CPM: variants seen among roughly 807,000 people sequenced by gnomAD.
CPM encodes the protein renal carboxypeptidase.
Under a neutral mutation model 46.4 loss-of-function variants are expected in CPM, and 35 were observed. That is an observed-to-expected ratio of 0.75 (90% CI 0.58 to 1.00). CPM has a LOEUF of 1.00. Among genes scored for constraint, CPM ranks in the 50% least tolerant of loss-of-function variants. The pLI is 0.00. For missense variants in CPM, 422 were observed against 530.4 expected (o/e 0.80, Z 2.01); for synonymous variants, 195 against 195.3 (o/e 1.00, Z 0.01).
intron 3 of CPM, among the ~76,000 whole-genome samples, chr12:68,877,666 C>G (rs2136240631): frequency 6.6e-6 from 1 of 152,152 alleles, no homozygotes; most frequent in African/African-American, 2.4e-5. Context: ...TTTAATTATT[C>G]AAACCACAGA....
At chr12:68,932,925 T>C (rs770735455) in intron 1 of CPM, 85 bp from the exon 2 acceptor site, 1 of 1,299,884 alleles carries the variant, frequency 7.7e-7, no homozygotes, top group Non-Finnish European at 1.1e-6. Context: ...TACTCCGGTC[T>C]CAGGGTCTCC....
intron 2 of CPM, among the ~76,000 whole-genome samples, chr12:68,892,754 G>A (rs1309095215): frequency 1.3e-5 from 2 of 152,132 alleles, no homozygotes; most frequent in African/African-American, 2.4e-5. Flanking sequence ...AGCTATTCGG[G>A]AGGCTGAGGC....
At chr12:68,858,561 C>T (rs943141957) in intron 8 of CPM, among the ~76,000 whole-genome samples, 5 of 151,974 alleles carry the variant, frequency 3.3e-5, no homozygotes, top group Non-Finnish European at 5.9e-5. Flanking sequence ...AAGTGTATGC[C>T]GTGGAATGGG....
intron 1 of CPM, among the ~76,000 whole-genome samples, chr12:68,960,755 T>C (rs1889097490): frequency 6.6e-6 from 1 of 152,184 alleles, no homozygotes; most frequent in African/African-American, 2.4e-5. Flanking sequence ...TGTGGCAACC[T>C]ATGTGACTGT....
chr12:68,850,829 T>C (rs1027406533), downstream of CPM: 1 of 152,160 alleles, frequency 6.6e-6, no homozygotes, highest in South Asian at 2.1e-4. Context: ...TTTCTGCATT[T>C]CTCAGATTCT....
At chr12:68,881,505 A>G (rs1886188050) in intron 3 of CPM, among the ~76,000 whole-genome samples, 1 of 152,224 alleles carries the variant, frequency 6.6e-6, no homozygotes, top group African/African-American at 2.4e-5. Context: ...GGGGGATAAG[A>G]TAAAGATAGG....
intron 2 of CPM, among the ~76,000 whole-genome samples, chr12:68,921,058 T>C (rs1045136511): frequency 4.6e-5 from 7 of 152,042 alleles, no homozygotes; most frequent in African/African-American, 1.7e-4. Context: ...CCCACCTTTT[T>C]TCTTTGTCAA....
chr12:68,843,237 C>G (rs1324572402), intron 5 of CPM: 1 of 224,928 alleles, frequency 4.4e-6, no homozygotes, highest in African/African-American at 2.2e-5. Context: ...ATTATGAACT[C>G]CAAATAATGC....
chr12:68,903,829 C>T (rs1457138801), intron 2 of CPM, among the ~76,000 whole-genome samples: 6 of 151,958 alleles, frequency 3.9e-5, no homozygotes, highest in East Asian at 3.9e-4. Context: ...TCCGTCCCGC[C>T]GTCCGTCCCT....
chr12:68,928,585 T>G (rs554219354), intron 2 of CPM, among the ~76,000 whole-genome samples: 53 of 152,354 alleles, frequency 3.5e-4, no homozygotes, highest in Non-Finnish European at 6.5e-4. Flanking sequence ...CTTAAACTAT[T>G]TACTACATGG....
chr12:68,872,451 C>G (rs995597517), intron 3 of CPM, among the ~76,000 whole-genome samples: 9 of 152,080 alleles, frequency 5.9e-5, no homozygotes, highest in African/African-American at 1.9e-4. Context: ...TGGGGTTTCA[C>G]TATGTTGGCC....
chr12:68,951,195 T>C (rs1402797026), intron 1 of CPM, among the ~76,000 whole-genome samples: 2 of 152,360 alleles, frequency 1.3e-5, no homozygotes, highest in African/African-American at 2.4e-5. Flanking sequence ...ATGAGAACAC[T>C]AATCCTTTCC....
intron 2 of CPM, among the ~76,000 whole-genome samples, chr12:68,899,844 G>C: frequency 6.6e-6 from 1 of 152,198 alleles, no homozygotes; most frequent in Middle Eastern, 3.2e-3. Context: ...AAGAAGTCAT[G>C]CTTAGGAGAT....
At chr12:68,914,720 C>A (rs537551306) in intron 2 of CPM, among the ~76,000 whole-genome samples, 3 of 152,286 alleles carry the variant, frequency 2.0e-5, no homozygotes, top group African/African-American at 7.2e-5. Context: ...CCAAGCGGTC[C>A]TCTGTCTCCT....
intron 2 of CPM, among the ~76,000 whole-genome samples, chr12:68,926,057 C>T (rs1050751516): frequency 1.5e-4 from 23 of 152,104 alleles, no homozygotes; most frequent in African/African-American, 5.6e-4. Flanking sequence ...GCTGGGATGA[C>T]AGGCATATGC....
intron 2 of CPM, among the ~76,000 whole-genome samples, chr12:68,921,131 T>A (rs1888023131): frequency 6.6e-6 from 1 of 151,818 alleles, no homozygotes; most frequent in African/African-American, 2.4e-5. Context: ...GGCATTTATT[T>A]AAACACTTTT....
At chr12:68,879,583 T>C (rs921625769) in intron 3 of CPM, among the ~76,000 whole-genome samples, 12 of 152,128 alleles carry the variant, frequency 7.9e-5, no homozygotes, top group African/African-American at 2.7e-4. Flanking sequence ...CAGGCTAGTC[T>C]TGAACTCCTG....
At chr12:68,921,472 T>G (rs12426390) in intron 2 of CPM, among the ~76,000 whole-genome samples, 13,819 of 151,986 alleles carry the variant, frequency 0.091, 1,469 homozygotes, top group African/African-American at 0.25. Context: ...CAGGGGTGAG[T>G]GTGATGGTGG....
intron 4 of CPM, among the ~76,000 whole-genome samples, chr12:68,870,951 G>C (rs1885667236): frequency 1.3e-5 from 2 of 152,176 alleles, no homozygotes; most frequent in African/African-American, 4.8e-5. Context: ...AGAAGTACTT[G>C]TGAAACGTGG....
Sources: allele counts gnomAD v4.1 joint callset (sites outside exome capture counted in the v4.1 genomes callset), GRCh38; gene constraint gnomAD v4.1.1; transcripts MANE v1.5; gene names NCBI Gene and HGNC (gene_info 2026-07-23, HGNC 2026-07-21).